USP8: variants seen among roughly 807,000 people sequenced by gnomAD.
The protein encoded by USP8 is ubiquitin specific peptidase 8.
A neutral mutation model predicts 130.0 loss-of-function variants in USP8; 27 were observed. The ratio of observed to expected loss-of-function variants is 0.21; its 90% CI spans 0.15 to 0.29. The LOEUF is 0.29. USP8 is among the 10% of genes least tolerant of loss of function. The pLI is 1.00. For synonymous variants in USP8, 392 were observed against 444.1 expected, an observed-to-expected ratio of 0.88 and a Z score of 1.48; for missense variants, 1,029 against 1,312.2, an observed-to-expected ratio of 0.78 and a Z score of 3.33.
chr15:50,453,860 C>T (rs375743428), intron 4 of USP8, among the ~76,000 whole-genome samples: 137 of 86,854 alleles, frequency 1.6e-3, no homozygotes, highest in Middle Eastern at 0.016. Context: ...TGGGAATATT[C>T]TTTTTTTTTT....
At chr15:50,483,653 G>A (rs1413692313) in intron 11 of USP8, among the ~76,000 whole-genome samples, 1 of 152,094 alleles carries the variant, frequency 6.6e-6, no homozygotes. Flanking sequence ...AATTAGCCAG[G>A]TGTGGTGGCG....
chr15:50,458,572 C>T (rs976482020), intron 4 of USP8: 5 of 161,866 alleles, frequency 3.1e-5, no homozygotes, highest in African/African-American at 1.2e-4. Flanking sequence ...AAAAATGTAA[C>T]TTGGGACCTT....
Position 50,457,600 on chromosome 15 carries a change from C to T in USP8, c.336-1400C>T, listed in dbSNP as rs1267107333. Among the ~76,000 whole-genome samples, 5 of 146,226 alleles carry T rather than the reference C, an allele frequency of 3.4e-5. No individual in the cohort carries two copies. In the South Asian group the frequency reaches 6.6e-4, roughly 19 times the overall value. ...AAAAACAGCCAGCCACGGTGGCTCA[C>T]ACCTATAATCCCAGCACTTTGGAAG... is the stretch of plus-strand genomic sequence containing the variant. On this transcript the variant is annotated intron_variant, in intron 4 of 19. Transcript: ENST00000307179.
intron 10 of USP8, among the ~76,000 whole-genome samples, chr15:50,480,496 CA>C (rs1382989308): frequency 5.3e-5 from 8 of 152,124 alleles, no homozygotes; most frequent in African/African-American, 1.9e-4. Context: ...GAGCATGTAT[CA>C]GGGGACTTGG....
At chr15:50,449,897 T>C (rs1404408709) in intron 4 of USP8, among the ~76,000 whole-genome samples, 2 of 131,316 alleles carry the variant, frequency 1.5e-5, no homozygotes, top group African/African-American at 3.0e-5. Context: ...TTTCTTTTTT[T>C]TTTTTTTTTT....
At chr15:50,430,355 A>G (rs1409762588) in intron 1 of USP8, among the ~76,000 whole-genome samples, 2 of 152,134 alleles carry the variant, frequency 1.3e-5, no homozygotes, top group Non-Finnish European at 2.9e-5. Context: ...TCAAAAAAAT[A>G]AAGAACTAGG....
In USP8 at chr15:50,452,858, T is replaced by C. The variant is rs2141270506; in HGVS notation, c.335+3373T>C. ...GTTTTTGTGCTATTATTTTCGTTGT[T>C]ATTAACAGTGGAAGCATTCTTGTTC... On this transcript the variant is annotated intron_variant, in intron 4 of 19. Coordinates refer to ENST00000307179, the MANE Select transcript of USP8 (RefSeq NM_005154.5). Among the ~76,000 whole-genome samples the C allele has an allele frequency of 1.3e-5, 2 of 152,336 alleles. 1 individual carries two copies. The highest frequency in any genetic ancestry group is 4.1e-4 in the South Asian group (2 of 4,834).
At chr15:50,471,172 GTATC>G (rs1186107773) in intron 7 of USP8, among the ~76,000 whole-genome samples, 1 of 152,186 alleles carries the variant, frequency 6.6e-6, no homozygotes, top group East Asian at 1.9e-4. Context: ...ATTTAGAACA[GTATC>G]TGGCACATGG....
At position 50,494,191 on chromosome 15, in the gene USP8, A is replaced by G. The variant is rs761111109; in HGVS notation, c.2569A>G (p.Ile857Val). 3 of 1,613,996 alleles carry G rather than the reference A, an allele frequency of 1.9e-6. No individual in the cohort carries two copies. Among genetic ancestry groups the G allele is most frequent in the Non-Finnish European group, 2.5e-6 (3 of 1,179,984 alleles). Residue 857 changes from isoleucine (I) to valine (V), a missense_variant, in exon 16 of 20, where the codon ATC becomes GTC. By Grantham distance (29) the Ile-to-Val change is conservative. Transcript: ENST00000307179. ...PKDFKITIGK[I>V]NDQFAGYSQQ... is the part of the protein sequence containing the mutation. ...GGACTTTAAAATCACCATTGGGAAGATCAATGACCAGTTTGCAGGATACAG... is the reference window on the plus strand; with the variant it reads ...GGACTTTAAAATCACCATTGGGAAGGTCAATGACCAGTTTGCAGGATACAG...
At chr15:50,440,267 G>A (rs920944314) in intron 2 of USP8, among the ~76,000 whole-genome samples, 3 of 152,168 alleles carry the variant, frequency 2.0e-5, no homozygotes, top group Admixed American at 6.6e-5. Context: ...GCCTAAGACC[G>A]TTTATTCCTT....
chr15:50,456,955 T>A (rs762272857), intron 4 of USP8, among the ~76,000 whole-genome samples: 1 of 152,196 alleles, frequency 6.6e-6, no homozygotes, highest in African/African-American at 2.4e-5. Context: ...CTGTTTTCCT[T>A]ATATTTCTTC....
At chr15:50,437,469 G>A (rs538793095) in intron 1 of USP8, among the ~76,000 whole-genome samples, 48 of 152,216 alleles carry the variant, frequency 3.2e-4, no homozygotes, top group African/African-American at 1.1e-3. Flanking sequence ...TCAACATTGC[G>A]GGGGATGGGC....
At position 50,458,070 on chromosome 15, in the gene USP8, T is replaced by C. The variant is rs748897423; in HGVS notation, c.336-930T>C. On this transcript the variant is annotated intron_variant, in intron 4 of 19. Coordinates refer to ENST00000307179, the MANE Select transcript of USP8 (RefSeq NM_005154.5). Reference sequence around the variant, plus strand: ...GAAGCTCACAGACATTGCCAAGCATTGATAATTAGGGCAAACAAGATTGCA... The same window carrying C: ...GAAGCTCACAGACATTGCCAAGCATCGATAATTAGGGCAAACAAGATTGCA... 2.0e-5 allele frequency among the ~76,000 whole-genome samples: 3 copies of C among 152,150 alleles called. No homozygotes were observed. In the South Asian group the frequency reaches 6.2e-4, roughly 32 times the overall value.
Position 50,424,449 on chromosome 15 carries a change from T to C in USP8, c.-131T>C. ...CCTGGTAGCCAAGGCTAATTCTCCC[T>C]CGAGTTCTTGGGAGATGGGCATTTG... On this transcript the variant is annotated 5_prime_UTR_variant, in exon 1 of 20. Transcript: ENST00000307179. 1 of 398,684 alleles carries C rather than the reference T, an allele frequency of 2.5e-6. No homozygotes were observed. The highest frequency in any genetic ancestry group is 4.4e-6 in the Non-Finnish European group (1 of 226,108). The allele number at this position is 398,684 out of a possible 1,614,324, so 24.7% of individuals were successfully genotyped here.
intron 10 of USP8, among the ~76,000 whole-genome samples, chr15:50,478,364 C>T (rs1338198145): frequency 6.6e-6 from 1 of 152,058 alleles, no homozygotes; most frequent in Non-Finnish European, 1.5e-5. Flanking sequence ...CTAATGTTCC[C>T]CCTCCATGCA....
intron 4 of USP8, among the ~76,000 whole-genome samples, chr15:50,453,482 C>T (rs2050688474): frequency 6.6e-6 from 1 of 152,130 alleles, no homozygotes; most frequent in South Asian, 2.1e-4. Context: ...AATTTAATTT[C>T]ATTGTGGCTA....
intron 5 of USP8, among the ~76,000 whole-genome samples, chr15:50,459,987 AC>A (rs1252614380): frequency 0.017 from 1,329 of 80,154 alleles, 5 homozygotes; most frequent in Non-Finnish European, 0.022. Context: ...CAGTTCCCCC[AC>A]CCCCCCCCTT....
At chr15:50,455,511 T>A (rs1449327903) in intron 4 of USP8, among the ~76,000 whole-genome samples, 2 of 152,256 alleles carry the variant, frequency 1.3e-5, no homozygotes, top group Non-Finnish European at 2.9e-5. Flanking sequence ...TGCTCTAAAA[T>A]CTTTGTATGC....
At chr15:50,474,398 C>T (rs765864773) in intron 8 of USP8, among the ~76,000 whole-genome samples, 1 of 152,070 alleles carries the variant, frequency 6.6e-6, no homozygotes, top group East Asian at 1.9e-4. Flanking sequence ...AGCTGATTGC[C>T]GTTGAGAAAG....
Sources: gnomAD v4.1 joint callset for allele counts (sites outside exome capture counted in the v4.1 genomes callset) on GRCh38, gnomAD v4.1.1 for gene constraint, MANE v1.5 for transcripts, NCBI Gene and HGNC (gene_info 2026-07-23, HGNC 2026-07-21) for gene names.